SYTL2: variants seen among roughly 807,000 people sequenced by gnomAD.
SYTL2 encodes the protein synaptotagmin-like protein 2.
In SYTL2, 165 loss-of-function variants were observed where a neutral mutation model predicts 198.7. That is an observed-to-expected ratio of 0.83 (90% CI 0.73 to 0.94). The LOEUF is 0.94. Among genes scored for constraint, SYTL2 ranks in the 40% least tolerant of loss-of-function variants. SYTL2 has a pLI of 0.00. For missense variants in SYTL2, 2,835 were observed against 2,582.8 expected, an observed-to-expected ratio of 1.10 and a Z score of -2.12; for synonymous variants, 966 against 917.7, an observed-to-expected ratio of 1.05 and a Z score of -0.95.
At position 85,718,835 on chromosome 11, in the gene SYTL2, T is replaced by C. The variant is rs2087797374; in HGVS notation, c.5437A>G (p.Lys1813Glu). 1.9e-6 allele frequency: 3 copies of C among 1,613,616 alleles called. No homozygotes were observed. The highest frequency in any genetic ancestry group is 1.6e-4 in the Middle Eastern group (1 of 6,084). Residue 1813 changes from lysine to glutamate, a missense_variant, in exon 10 of 20, where the codon AAA becomes GAA. By Grantham distance (56) the Lys-to-Glu change is moderately conservative. This residue lies in a region of SYTL2 where 2,645 missense variants were observed against 2,381.7 expected (regional missense o/e 1.11). Transcript: ENST00000359152. ...DISSDSSNQA[K>E]VDNQPEELVR... ...AATTCTTCTGGCTGATTATCTACTT[T>C]TGCTTGATCTGTTCAGAAGAAATTA...
intron 1 of SYTL2, among the ~76,000 whole-genome samples, chr11:85,773,649 G>T (rs1216044651): frequency 1.3e-5 from 2 of 151,200 alleles, no homozygotes; most frequent in African/African-American, 4.9e-5. Context: ...CCTGACCTGT[G>T]CCCGCCACTC....
At chr11:85,817,537 G>A in the SYTL2 span, among the ~76,000 whole-genome samples, 36,094 of 152,072 alleles carry the variant, frequency 0.24, 4,629 homozygotes, top group African/African-American at 0.26. Context: ...TGTGGCTACT[G>A]GAATATTTTA....
chr11:85,716,287 C>T (rs1157729241), intron 11 of SYTL2: 1 of 152,156 alleles, frequency 6.6e-6, no homozygotes, highest in Non-Finnish European at 1.5e-5. Flanking sequence ...TTACCTAACA[C>T]CCCTTAGGGG....
chr11:85,831,914 C>A, the SYTL2 span, among the ~76,000 whole-genome samples: 1 of 152,134 alleles, frequency 6.6e-6, no homozygotes. Flanking sequence ...GGTATACATC[C>A]ATGAAACCAT....
chr11:85,793,321 C>T (rs2092758709), intron 1 of SYTL2, among the ~76,000 whole-genome samples: 1 of 152,126 alleles, frequency 6.6e-6, no homozygotes, highest in African/African-American at 2.4e-5. Flanking sequence ...GATTGCCATT[C>T]TAACTGGTGT....
At position 85,737,583 on chromosome 11, in the gene SYTL2, G is replaced by C; in HGVS notation, c.463C>G (p.Pro155Ala). 6.2e-7 allele frequency: 1 copy of C among 1,613,366 alleles called. No homozygotes were observed. Among genetic ancestry groups the C allele is most frequent in the Non-Finnish European group, 8.5e-7 (1 of 1,179,368 alleles). Reference protein sequence around the residue: ...QENTRKPNVSPEKQRKNPFNS... With the variant: ...QENTRKPNVSAEKQRKNPFNS... Reference sequence around the variant, plus strand: ...ATCTGGGCTCAGTCTACCTTCTCTGGAGACACATTTGGTTTCCTTGTGTTT... The same window carrying C: ...ATCTGGGCTCAGTCTACCTTCTCTGCAGACACATTTGGTTTCCTTGTGTTT... Residue 155 changes from proline (P) to alanine (A), a missense_variant, in exon 5 of 20, where the codon CCA (proline) becomes GCA (alanine). Physicochemically the swap from Pro to Ala is conservative, Grantham distance 27 (BLOSUM62 -1). Transcript: ENST00000359152.
intron 2 of SYTL2, among the ~76,000 whole-genome samples, chr11:85,755,284 G>T (rs934165630): frequency 6.6e-6 from 1 of 152,118 alleles, no homozygotes; most frequent in Non-Finnish European, 1.5e-5. Flanking sequence ...CCATCTATCT[G>T]TGCACTGTCA....
the SYTL2 span, among the ~76,000 whole-genome samples, chr11:85,851,676 A>G: frequency 6.6e-6 from 1 of 152,264 alleles, no homozygotes; most frequent in Non-Finnish European, 1.5e-5. Context: ...TATAAATGAT[A>G]GGTAAAAGTA....
intron 1 of SYTL2, among the ~76,000 whole-genome samples, chr11:85,774,627 G>T (rs2092419730): frequency 6.6e-6 from 1 of 152,176 alleles, no homozygotes; most frequent in African/African-American, 2.4e-5. Flanking sequence ...TTTTTTACGT[G>T]ATCCCAATTT....
chr11:85,842,115 T>G, the SYTL2 span, among the ~76,000 whole-genome samples: 1 of 152,216 alleles, frequency 6.6e-6, no homozygotes, highest in African/African-American at 2.4e-5. Flanking sequence ...GAGATTAGCT[T>G]GAAAGACTGA....
chr11:85,775,972 C>T (rs2092444433), intron 1 of SYTL2, among the ~76,000 whole-genome samples: 1 of 152,306 alleles, frequency 6.6e-6, no homozygotes, highest in South Asian at 2.1e-4. Context: ...GATGGAGGTA[C>T]GGCCTAATGG....
intron 7 of SYTL2, among the ~76,000 whole-genome samples, chr11:85,730,640 C>T (rs2089712123): frequency 6.6e-6 from 1 of 152,120 alleles, no homozygotes; most frequent in Admixed American, 6.5e-5. Flanking sequence ...CAATATCATA[C>T]TGAATGGGCA....
intron 1 of SYTL2, among the ~76,000 whole-genome samples, chr11:85,778,178 A>C (rs2092491199): frequency 6.6e-6 from 1 of 152,150 alleles, no homozygotes; most frequent in Admixed American, 6.5e-5. Flanking sequence ...TTCATCAAGT[A>C]ACACTTCAAA....
intron 15 of SYTL2, chr11:85,705,353 G>T (rs540665245): frequency 5.3e-6 from 1 of 187,066 alleles, no homozygotes; most frequent in African/African-American, 2.3e-5. Flanking sequence ...ATACAAAATT[G>T]AGTCTAAAAT....
At chr11:85,760,966 G>A (rs1449523699) in intron 1 of SYTL2, among the ~76,000 whole-genome samples, 2 of 152,154 alleles carry the variant, frequency 1.3e-5, no homozygotes, top group Non-Finnish European at 2.9e-5. Context: ...GCAGTATGAG[G>A]TGCTCACCCA....
the SYTL2 span, among the ~76,000 whole-genome samples, chr11:85,823,716 T>G: frequency 2.0e-5 from 3 of 152,224 alleles, no homozygotes; most frequent in Non-Finnish European, 4.4e-5. Context: ...ATTATAGAGT[T>G]GGACCACAAG....
At chr11:85,790,375 CCT>C (rs1471077733) in intron 1 of SYTL2, among the ~76,000 whole-genome samples, 1 of 152,094 alleles carries the variant, frequency 6.6e-6, no homozygotes, top group East Asian at 1.9e-4. Flanking sequence ...AAGCACAACC[CCT>C]GACTAGCTGT....
At chr11:85,778,959 T>C (rs779550560) in intron 1 of SYTL2, among the ~76,000 whole-genome samples, 49 of 152,090 alleles carry the variant, frequency 3.2e-4, no homozygotes, top group Non-Finnish European at 7.4e-5. Flanking sequence ...GCCTGGGTGA[T>C]AGAGCCAGAC....
rs187193538 is a variant in SYTL2 at position 85,801,917 on chromosome 11, C to T, written c.-390+9037G>A. 1.1e-4 allele frequency among the ~76,000 whole-genome samples: 16 copies of T among 151,702 alleles called. No individual in the cohort carries two copies. The East Asian group carries it at 2.5e-3, about 24-fold the overall frequency. On this transcript the variant is annotated intron_variant, in intron 1 of 19. Coordinates refer to ENST00000359152, the MANE Select transcript of SYTL2 (RefSeq NM_206927.4). ...GCAAACTCCACCTCCCAGGTTCAAG[C>T]GATACTCCTGCCTCAGCCTCCAGAG...
Sources: allele counts gnomAD v4.1 joint callset (sites outside exome capture counted in the v4.1 genomes callset), GRCh38; gene constraint gnomAD v4.1.1; regional missense constraint gnomAD v4.1.1; transcripts MANE v1.5; gene names NCBI Gene and HGNC (gene_info 2026-07-23, HGNC 2026-07-21).